CNTN5: variants seen among roughly 807,000 people sequenced by gnomAD.
CNTN5 encodes contactin 5.
In CNTN5, 77 loss-of-function variants were observed where a neutral mutation model predicts 129.1. The observed-to-expected ratio is 0.60, with a 90% CI of 0.50 to 0.72. The LOEUF (loss-of-function observed/expected upper bound fraction) is 0.72, where lower values mean the gene tolerates loss of function less well. Ranked by LOEUF, CNTN5 falls within the 30% of genes least tolerant of loss-of-function variation. CNTN5 has a pLI of 0.00. For missense variants in CNTN5, 1,478 were observed against 1,328.8 expected, an observed-to-expected ratio of 1.11 and a Z score of -1.75; for synonymous variants, 509 against 465.6, an observed-to-expected ratio of 1.09 and a Z score of -1.20.
intron 21 of CNTN5, among the ~76,000 whole-genome samples, chr11:100,325,305 T>A (rs1951769002): frequency 6.6e-6 from 1 of 152,180 alleles, no homozygotes; most frequent in Non-Finnish European, 1.5e-5. Flanking sequence ...GAAATATCTG[T>A]CCTCTAACCC....
At chr11:99,038,610 C>A (rs184366718) in intron 1 of CNTN5, among the ~76,000 whole-genome samples, 20 of 152,130 alleles carry the variant, frequency 1.3e-4, no homozygotes, top group African/African-American at 3.1e-4. Context: ...TGTAACATTG[C>A]TTATTACAAA....
intron 13 of CNTN5, among the ~76,000 whole-genome samples, chr11:100,165,645 A>G (rs907086189): frequency 4.0e-5 from 6 of 151,780 alleles, no homozygotes; most frequent in Non-Finnish European, 8.8e-5. Context: ...AAGTTGAATC[A>G]TCTTCCATCA....
chr11:100,309,938 T>C (rs1338787362), intron 21 of CNTN5, among the ~76,000 whole-genome samples: 1 of 151,908 alleles, frequency 6.6e-6, no homozygotes, highest in African/African-American at 2.4e-5. Flanking sequence ...GACTGACTGA[T>C]ACTTGTCTCT....
At position 99,222,966 on chromosome 11, in the gene CNTN5, G is replaced by A. The variant is rs912694667; in HGVS notation, c.-209-102380G>A. ...GGTCAACGTACACTTTCCCTCAGGA[G>A]TATCAATAGTGATCATGGCCCTCTA... On this transcript the variant is annotated intron_variant, in intron 1 of 24. Coordinates refer to ENST00000524871, the MANE Select transcript of CNTN5 (RefSeq NM_014361.4). 5.3e-5 allele frequency among the ~76,000 whole-genome samples: 8 copies of A among 152,230 alleles called. No homozygotes were observed. In the South Asian group the frequency reaches 1.7e-3, roughly 32 times the overall value.
chr11:99,119,034 C>T (rs531004716), intron 1 of CNTN5, among the ~76,000 whole-genome samples: 1 of 151,994 alleles, frequency 6.6e-6, no homozygotes, highest in East Asian at 1.9e-4. Flanking sequence ...TAAATTACAA[C>T]CTATGAAGGC....
chr11:99,355,819 T>C (rs1338285008), intron 2 of CNTN5, among the ~76,000 whole-genome samples: 1 of 147,136 alleles, frequency 6.8e-6, no homozygotes, highest in Admixed American at 6.7e-5. Flanking sequence ...TGGTTTTTTT[T>C]TGTTTTTTTT....
At position 100,292,467 on chromosome 11, in the gene CNTN5, A is replaced by G. The variant is rs1001038523; in HGVS notation, c.2315-5158A>G. On this transcript the variant is annotated intron_variant, in intron 18 of 24. Transcript: ENST00000524871. ...GAATTATAGGATATTCTCAGGAACT[A>G]TTATTTATTGTTCTTCATTTGAAGT... Among the ~76,000 whole-genome samples, 3 of 151,984 alleles carry G rather than the reference A, an allele frequency of 2.0e-5. No homozygotes were observed. The South Asian group carries it at 6.2e-4, about 31-fold the overall frequency.
At chr11:99,122,294 T>C (rs75103863) in intron 1 of CNTN5, among the ~76,000 whole-genome samples, 9,316 of 152,212 alleles carry the variant, frequency 0.061, 312 homozygotes, top group African/African-American at 0.085. Context: ...ATATGTCTAA[T>C]GGCATATAAA....
At chr11:99,975,061 A>G (rs11222122) in intron 8 of CNTN5, among the ~76,000 whole-genome samples, 8,636 of 152,326 alleles carry the variant, frequency 0.057, 280 homozygotes, top group Non-Finnish European at 0.077. Context: ...GCCCTTCCAC[A>G]AGTCGGCCAT....
intron 2 of CNTN5, among the ~76,000 whole-genome samples, chr11:99,379,285 A>G (rs753184027): frequency 6.6e-6 from 1 of 151,122 alleles, no homozygotes; most frequent in Admixed American, 6.6e-5. Flanking sequence ...ACGAATAACT[A>G]TGATGAAGTT....
At chr11:99,047,784 A>G (rs1198845073) in intron 1 of CNTN5, among the ~76,000 whole-genome samples, 2 of 152,074 alleles carry the variant, frequency 1.3e-5, no homozygotes, top group South Asian at 2.1e-4. Context: ...CAAATTAAAC[A>G]AGTATCCTGT....
intron 2 of CNTN5, among the ~76,000 whole-genome samples, chr11:99,439,233 G>C (rs773771561): frequency 6.6e-6 from 1 of 152,032 alleles, no homozygotes; most frequent in Non-Finnish European, 1.5e-5. Flanking sequence ...TTGGAGGAGA[G>C]CAGAGAAGGA....
At chr11:99,949,394 G>T (rs890743280) in intron 7 of CNTN5, among the ~76,000 whole-genome samples, 2 of 152,040 alleles carry the variant, frequency 1.3e-5, no homozygotes, top group African/African-American at 4.8e-5. Context: ...TCACAAATTT[G>T]ATAAGCACAT....
intron 7 of CNTN5, among the ~76,000 whole-genome samples, chr11:99,920,729 C>A (rs1004494734): frequency 6.6e-5 from 10 of 152,172 alleles, no homozygotes; most frequent in Admixed American, 2.6e-4. Flanking sequence ...CCAGACAGCT[C>A]TCTTGGGCCT....
chr11:99,081,972 AAATC>A (rs1865818781), intron 1 of CNTN5, among the ~76,000 whole-genome samples: 1 of 151,728 alleles, frequency 6.6e-6, no homozygotes, highest in South Asian at 2.1e-4. Context: ...AAAATTTTAA[AAATC>A]TATGTAATGA....
intron 3 of CNTN5, among the ~76,000 whole-genome samples, chr11:99,749,345 C>T (rs1266439656): frequency 6.6e-6 from 1 of 152,094 alleles, no homozygotes; most frequent in Non-Finnish European, 1.5e-5. Context: ...CTCTGATTCT[C>T]AATCTTCTAA....
chr11:99,313,542 G>A (rs932356912), intron 1 of CNTN5, among the ~76,000 whole-genome samples: 2 of 151,940 alleles, frequency 1.3e-5, no homozygotes, highest in African/African-American at 4.8e-5. Context: ...TTTACTTATG[G>A]TTTATGGGGA....
At chr11:99,376,781 C>G (rs186926757) in intron 2 of CNTN5, among the ~76,000 whole-genome samples, 1 of 152,202 alleles carries the variant, frequency 6.6e-6, no homozygotes, top group African/African-American at 2.4e-5. Context: ...AAAAATAGCA[C>G]CTGGAATATG....
chr11:99,659,604 G>A (rs1303880367), intron 3 of CNTN5, among the ~76,000 whole-genome samples: 1 of 152,118 alleles, frequency 6.6e-6, no homozygotes, highest in African/African-American at 2.4e-5. Flanking sequence ...GCAGGCTAGA[G>A]ACCTAGGGAA....
Sources: allele counts gnomAD v4.1 joint callset (sites outside exome capture counted in the v4.1 genomes callset), GRCh38; gene constraint gnomAD v4.1.1; transcripts MANE v1.5; gene names NCBI Gene and HGNC (gene_info 2026-07-23, HGNC 2026-07-21).